The following FHIT variants were observed in gnomAD, a reference collection of about 807,000 sequenced individuals.
FHIT encodes the protein bis(5'-adenosyl)-triphosphatase.
In FHIT, 19 loss-of-function variants were observed where a neutral mutation model predicts 17.9. That is an observed-to-expected ratio of 1.06 (90% CI 0.74 to 1.56). The LOEUF (loss-of-function observed/expected upper bound fraction) is 1.56. Ranked by LOEUF, FHIT falls within the 40% of genes most tolerant of loss-of-function variation. The probability of loss-of-function intolerance (pLI) is 0.00; values close to 1 mark genes in which losing one functional copy is unlikely to be tolerated. For missense variants in FHIT, 248 were observed against 189.2 expected, an observed-to-expected ratio of 1.31 and a Z score of -1.82; for synonymous variants, 81 against 69.7, an observed-to-expected ratio of 1.16 and a Z score of -0.81.
At chr3:59,971,282 T>C (rs941037637) in intron 7 of FHIT, among the ~76,000 whole-genome samples, 2 of 152,158 alleles carry the variant, frequency 1.3e-5, no homozygotes, top group African/African-American at 4.8e-5. Context: ...GCAGGTGCTT[T>C]GATAGCTGCA....
intron 5 of FHIT, among the ~76,000 whole-genome samples, chr3:60,212,390 G>C (rs929157923): frequency 2.6e-5 from 4 of 152,070 alleles, no homozygotes; most frequent in African/African-American, 9.7e-5. Flanking sequence ...GTATTTGTTG[G>C]ATTTAAAAAG....
intron 5 of FHIT, among the ~76,000 whole-genome samples, chr3:60,232,234 T>C (rs1704534704): frequency 2.0e-5 from 3 of 152,276 alleles, no homozygotes; most frequent in South Asian, 4.1e-4. Flanking sequence ...ACTCTACACA[T>C]GGTAGGGTGA....
intron 4 of FHIT, among the ~76,000 whole-genome samples, chr3:60,778,980 G>A (rs1553725101): frequency 6.6e-6 from 1 of 152,190 alleles, no homozygotes; most frequent in African/African-American, 2.4e-5. Flanking sequence ...CTTAAGAGGA[G>A]AGGATCACCC....
At chr3:61,042,739 C>T (rs2033580539) in intron 2 of FHIT, among the ~76,000 whole-genome samples, 1 of 151,560 alleles carries the variant, frequency 6.6e-6, no homozygotes, top group Admixed American at 6.6e-5. Context: ...ACTTGGGAGG[C>T]TGAGGCAGGA....
chr3:61,244,438 C>T (rs1188313214), intron 1 of FHIT, among the ~76,000 whole-genome samples: 1 of 152,194 alleles, frequency 6.6e-6, no homozygotes, highest in Non-Finnish European at 1.5e-5. Flanking sequence ...TTTAGAAAGA[C>T]TCAATTGCAT....
intron 5 of FHIT, among the ~76,000 whole-genome samples, chr3:60,088,478 C>T (rs1703593320): frequency 6.6e-6 from 1 of 152,174 alleles, no homozygotes; most frequent in South Asian, 2.1e-4. Context: ...AAGTGCTATT[C>T]CCTATGCCCG....
At chr3:60,345,667 T>C (rs1710739717) in intron 5 of FHIT, among the ~76,000 whole-genome samples, 1 of 152,192 alleles carries the variant, frequency 6.6e-6, no homozygotes, top group Non-Finnish European at 1.5e-5. Flanking sequence ...AACACCATCT[T>C]TACCTTCCAT....
chr3:60,818,000 T>C (rs1306764419), intron 4 of FHIT, among the ~76,000 whole-genome samples: 1 of 152,160 alleles, frequency 6.6e-6, no homozygotes, highest in African/African-American at 2.4e-5. Context: ...GATCTATCTT[T>C]AAGTTCACTA....
intron 9 of FHIT, chr3:59,751,742 TGAAGA>T (rs1700916249): frequency 4.3e-6 from 1 of 233,222 alleles, no homozygotes; most frequent in South Asian, 1.8e-4. Context: ...AAATAGCAAC[TGAAGA>T]GAAGAGTCCA....
At chr3:60,001,252 A>G (rs1373371555) in intron 7 of FHIT, among the ~76,000 whole-genome samples, 2 of 152,192 alleles carry the variant, frequency 1.3e-5, no homozygotes, top group East Asian at 1.9e-4. Context: ...CACATGGCAC[A>G]TAGTAGGCAC....
intron 7 of FHIT, among the ~76,000 whole-genome samples, chr3:59,998,983 C>T (rs965800654): frequency 3.3e-5 from 5 of 152,048 alleles, no homozygotes; most frequent in African/African-American, 9.7e-5. Flanking sequence ...TCTCTGAGGC[C>T]GGGCTCCAAA....
intron 4 of FHIT, among the ~76,000 whole-genome samples, chr3:60,720,585 T>C (rs563572277): frequency 1.4e-3 from 209 of 152,208 alleles, no homozygotes; most frequent in Middle Eastern, 3.4e-3. Context: ...TAGAATCACC[T>C]GGGAAATGTT....
At chr3:60,976,780 C>T (rs1251030571) in intron 3 of FHIT, among the ~76,000 whole-genome samples, 1 of 152,132 alleles carries the variant, frequency 6.6e-6, no homozygotes, top group African/African-American at 2.4e-5. Flanking sequence ...CTCATTTCTT[C>T]CTTCCTCAAT....
At chr3:61,090,503 G>C (rs1177384602) in intron 2 of FHIT, among the ~76,000 whole-genome samples, 2 of 152,200 alleles carry the variant, frequency 1.3e-5, no homozygotes. Context: ...CATGAAAAAA[G>C]AGAGAGCTTT....
At chr3:59,980,681 A>C (rs1708614408) in intron 7 of FHIT, among the ~76,000 whole-genome samples, 1 of 152,120 alleles carries the variant, frequency 6.6e-6, no homozygotes, top group Non-Finnish European at 1.5e-5. Context: ...GTTTCCCACC[A>C]CTGCCTCATC....
intron 8 of FHIT, among the ~76,000 whole-genome samples, chr3:59,798,914 T>C (rs1044259009): frequency 1.8e-4 from 27 of 152,188 alleles, no homozygotes; most frequent in African/African-American, 6.3e-4. Context: ...CAGTTGGCAT[T>C]GGACGTATTT....
chr3:60,404,381 A>G (rs1701770910), intron 5 of FHIT, among the ~76,000 whole-genome samples: 1 of 152,138 alleles, frequency 6.6e-6, no homozygotes, highest in South Asian at 2.1e-4. Flanking sequence ...CAGAGAATCT[A>G]TTATTTCAGG....
intron 5 of FHIT, among the ~76,000 whole-genome samples, chr3:60,104,391 T>G (rs1704320082): frequency 6.6e-6 from 1 of 152,032 alleles, no homozygotes. Flanking sequence ...CCCAAATCAT[T>G]CCAAACAACT....
intron 8 of FHIT, among the ~76,000 whole-genome samples, chr3:59,805,059 T>C (rs1700143054): frequency 6.6e-6 from 1 of 152,144 alleles, no homozygotes; most frequent in East Asian, 1.9e-4. Context: ...GGTTTGTCTC[T>C]AGAGGGAGAA....
Sources: gnomAD v4.1 joint callset for allele counts (sites outside exome capture counted in the v4.1 genomes callset) on GRCh38, gnomAD v4.1.1 for gene constraint, MANE v1.5 for transcripts, NCBI Gene and HGNC (gene_info 2026-07-23, HGNC 2026-07-21) for gene names.